DISC1: variants seen among roughly 807,000 people sequenced by gnomAD.
DISC1 encodes disrupted in schizophrenia 1 protein.
In DISC1, 57 loss-of-function variants were observed where a neutral mutation model predicts 84.5. That is an observed-to-expected ratio of 0.67 (90% CI 0.55 to 0.84). DISC1 has a LOEUF of 0.84. Ranked by LOEUF, DISC1 falls within the 40% of genes least tolerant of loss-of-function variation. DISC1 has a pLI of 0.00. For missense variants in DISC1, 1,000 were observed against 1,057.8 expected (o/e 0.95, Z 0.76); for synonymous variants, 411 against 415.2 (o/e 0.99, Z 0.12).
At chr1:231,738,879 G>A (rs1269166013) in intron 3 of DISC1, among the ~76,000 whole-genome samples, 3 of 152,158 alleles carry the variant, frequency 2.0e-5, no homozygotes, top group Non-Finnish European at 4.4e-5. Context: ...TCTTCAAGGT[G>A]TCTCTTGTGT....
chr1:231,902,073 T>G, intron 9 of DISC1, among the ~76,000 whole-genome samples: 1 of 151,978 alleles, frequency 6.6e-6, no homozygotes, highest in East Asian at 1.9e-4. Context: ...ATATTAGGTC[T>G]TGTCCTCATA....
At position 231,766,569 on chromosome 1, in the gene DISC1, G is replaced by C. The variant is rs557105758; in HGVS notation, c.1269-571G>C. Among the ~76,000 whole-genome samples, 5 of 152,286 alleles carry C rather than the reference G, an allele frequency of 3.3e-5. No individual in the cohort carries two copies. In the East Asian group the frequency reaches 9.7e-4, roughly 29 times the overall value. On this transcript the variant is annotated intron_variant, in intron 4 of 12. Transcript: ENST00000439617. ...GTGCAAAGCAGAAGATTCTAAATGAGCAGAGGAAGGGTGGATGCCGTAAAG... is the reference window on the plus strand; with the variant it reads ...GTGCAAAGCAGAAGATTCTAAATGACCAGAGGAAGGGTGGATGCCGTAAAG...
At chr1:231,946,580 C>T (rs1293845620) in intron 9 of DISC1, among the ~76,000 whole-genome samples, 2 of 152,186 alleles carry the variant, frequency 1.3e-5, no homozygotes, top group Non-Finnish European at 2.9e-5. Context: ...CTCACCACTC[C>T]TATTCAACAT....
intron 3 of DISC1, among the ~76,000 whole-genome samples, chr1:231,703,760 ATCT>A (rs1242422043): frequency 6.6e-6 from 1 of 152,216 alleles, no homozygotes; most frequent in Non-Finnish European, 1.5e-5. Flanking sequence ...GAATACAGGC[ATCT>A]TCTTTAGTGT....
chr1:231,758,831 C>T (rs974885652), intron 4 of DISC1, among the ~76,000 whole-genome samples: 3 of 152,164 alleles, frequency 2.0e-5, no homozygotes, highest in African/African-American at 4.8e-5. Context: ...TAACTATACA[C>T]CCCGTGCATT....
At chr1:231,818,614 G>A in intron 9 of DISC1, 97 bp downstream of exon 9, 1 of 1,552,096 alleles carries the variant, frequency 6.4e-7, no homozygotes, top group Non-Finnish European at 8.7e-7. Flanking sequence ...GAACGTCACT[G>A]TGAAGAGCGT....
chr1:231,738,562 T>A (rs1318064674), intron 3 of DISC1, among the ~76,000 whole-genome samples: 1 of 152,130 alleles, frequency 6.6e-6, no homozygotes, highest in Non-Finnish European at 1.5e-5. Flanking sequence ...ACATCAGGTG[T>A]CACACAGTGT....
At chr1:232,015,239 C>T (rs1387445560) in intron 11 of DISC1, among the ~76,000 whole-genome samples, 3 of 152,106 alleles carry the variant, frequency 2.0e-5, no homozygotes, top group East Asian at 1.9e-4. Flanking sequence ...CTCCTTCTTT[C>T]GGAATATGGT....
At chr1:231,780,247 A>AG (rs2077310139) in intron 6 of DISC1, among the ~76,000 whole-genome samples, 1 of 151,278 alleles carries the variant, frequency 6.6e-6, no homozygotes, top group Non-Finnish European at 1.5e-5. Flanking sequence ...TAAAAAAAAA[A>AG]AAAAGAAAAG....
intron 1 of DISC1, among the ~76,000 whole-genome samples, chr1:231,658,016 G>A (rs1558262670): frequency 1.3e-5 from 2 of 152,226 alleles, no homozygotes; most frequent in Admixed American, 1.3e-4. Context: ...ATTCTGTGAA[G>A]AATGTCAATG....
chr1:232,027,813 G>A (rs1161540119), intron 12 of DISC1, among the ~76,000 whole-genome samples: 2 of 151,888 alleles, frequency 1.3e-5, no homozygotes, highest in Non-Finnish European at 2.9e-5. Flanking sequence ...GTGTGTGTGT[G>A]TGTGTGTGTG....
At chr1:232,007,010 T>C (rs1667538277) in intron 10 of DISC1, among the ~76,000 whole-genome samples, 1 of 152,172 alleles carries the variant, frequency 6.6e-6, no homozygotes, top group East Asian at 1.9e-4. Context: ...CCTTGGAGGC[T>C]TACATGTGGT....
At chr1:231,975,218 G>T (rs72762347) in intron 10 of DISC1, among the ~76,000 whole-genome samples, 15,712 of 152,040 alleles carry the variant, frequency 0.1, 1,301 homozygotes, top group African/African-American at 0.22. Context: ...TATGAAAAAG[G>T]GCTCAACTTA....
At position 231,757,224 on chromosome 1, in the gene DISC1, T is replaced by A. The variant is rs2075232807; in HGVS notation, c.1268+7148T>A. 2.0e-5 allele frequency among the ~76,000 whole-genome samples: 3 copies of A among 152,190 alleles called. No homozygotes were observed. In the South Asian group the frequency reaches 6.2e-4, roughly 32 times the overall value. The stretch of plus-strand genomic sequence containing the variant: ...AAGCTGATGAAAGCTATGGACTTCC[T>A]CTATTGCAAAACCACGTGTACACAT... On this transcript the variant is annotated intron_variant, in intron 4 of 12. Coordinates refer to ENST00000439617, the MANE Select transcript of DISC1 (RefSeq NM_018662.3).
At chr1:231,921,406 G>A (rs2090000760) in intron 9 of DISC1, among the ~76,000 whole-genome samples, 1 of 152,288 alleles carries the variant, frequency 6.6e-6, no homozygotes, top group East Asian at 1.9e-4. Context: ...TTTGGGAAGG[G>A]TGATAGAGAT....
chr1:232,032,286 A>C (rs781350769), intron 12 of DISC1, among the ~76,000 whole-genome samples: 2 of 152,208 alleles, frequency 1.3e-5, no homozygotes, highest in Non-Finnish European at 2.9e-5. Context: ...GCTTACTTGG[A>C]CACTTCATTA....
intron 2 of DISC1, among the ~76,000 whole-genome samples, chr1:231,696,475 A>C (rs1424241994): frequency 6.6e-6 from 1 of 152,240 alleles, no homozygotes; most frequent in African/African-American, 2.4e-5. Flanking sequence ...ATCTTATCTC[A>C]AATGGTAGAA....
chr1:231,697,035 TAGG>T (rs2065801266), intron 2 of DISC1, among the ~76,000 whole-genome samples: 2 of 152,190 alleles, frequency 1.3e-5, no homozygotes, highest in South Asian at 4.1e-4. Context: ...TTTGCCTCAA[TAGG>T]AGGAAGAACC....
intron 3 of DISC1, among the ~76,000 whole-genome samples, chr1:231,730,144 C>A (rs2071327080): frequency 6.6e-6 from 1 of 152,180 alleles, no homozygotes; most frequent in South Asian, 2.1e-4. Flanking sequence ...CATGAAAAAT[C>A]TGTTCACAGG....
Sources: allele counts gnomAD v4.1 joint callset (sites outside exome capture counted in the v4.1 genomes callset), GRCh38; gene constraint gnomAD v4.1.1; transcripts MANE v1.5; gene names NCBI Gene and HGNC (gene_info 2026-07-23, HGNC 2026-07-21).